Variants in UST observed in about 807,000 individuals in gnomAD.
UST encodes the protein uronyl 2-sulfotransferase, also known as chondroitin sulfate 2-O-sulfotransferase.
UST carries 21 observed loss-of-function variants against 45.6 expected under a neutral mutation model. The observed-to-expected ratio is 0.46, with a 90% CI of 0.33 to 0.66. UST has a LOEUF of 0.66. Ranked by LOEUF, UST falls within the 30% of genes least tolerant of loss-of-function variation. The pLI, the probability that UST is intolerant of heterozygous loss-of-function variation, is 0.02. For missense variants in UST, 463 were observed against 512.4 expected (o/e 0.90, Z 0.93); for synonymous variants, 215 against 200.6 (o/e 1.07, Z -0.61).
At chr6:148,824,810 C>G (rs538778702) in intron 1 of UST, among the ~76,000 whole-genome samples, 1 of 144,346 alleles carries the variant, frequency 6.9e-6, no homozygotes, top group Non-Finnish European at 1.5e-5. Context: ...GGTATATCTC[C>G]CAATGCTATC....
At chr6:148,867,752 C>CT (rs1778474622) in intron 1 of UST, among the ~76,000 whole-genome samples, 1 of 152,152 alleles carries the variant, frequency 6.6e-6, no homozygotes, top group Non-Finnish European at 1.5e-5. Flanking sequence ...TATTAAACCT[C>CT]TTTTTCTTTA....
At chr6:148,803,132 T>A (rs1447126840) in intron 1 of UST, among the ~76,000 whole-genome samples, 3 of 152,168 alleles carry the variant, frequency 2.0e-5, no homozygotes, top group African/African-American at 4.8e-5. Context: ...CTGTTGCAAT[T>A]GCTGACTTTT....
At chr6:149,048,109 A>G (rs1023067275) in intron 7 of UST, among the ~76,000 whole-genome samples, 1 of 148,544 alleles carries the variant, frequency 6.7e-6, no homozygotes, top group African/African-American at 2.5e-5. Context: ...AATAAATTCC[A>G]GATGGTCTAA....
chr6:148,803,903 C>T (rs1190087398), intron 1 of UST, among the ~76,000 whole-genome samples: 1 of 152,210 alleles, frequency 6.6e-6, no homozygotes, highest in Non-Finnish European at 1.5e-5. Context: ...CTTCAGATCT[C>T]AGGAGAGTCT....
At chr6:149,072,140 C>T (rs1207989779) in intron 7 of UST, among the ~76,000 whole-genome samples, 1 of 152,182 alleles carries the variant, frequency 6.6e-6, no homozygotes, top group Non-Finnish European at 1.5e-5. Flanking sequence ...AATAATTTGG[C>T]AGTTCTTCAA....
intron 4 of UST, among the ~76,000 whole-genome samples, chr6:148,956,338 T>C (rs928790085): frequency 6.6e-6 from 1 of 151,852 alleles, no homozygotes; most frequent in Non-Finnish European, 1.5e-5. Flanking sequence ...GGCCTCAGAA[T>C]CATGGCAGGA....
intron 1 of UST, among the ~76,000 whole-genome samples, chr6:148,853,733 T>A (rs561185855): frequency 6.6e-6 from 1 of 152,334 alleles, no homozygotes; most frequent in South Asian, 2.1e-4. Flanking sequence ...CTTTTTTTCA[T>A]ATGTTTGGTT....
At chr6:148,819,659 T>C (rs913154000) in intron 1 of UST, among the ~76,000 whole-genome samples, 2 of 152,232 alleles carry the variant, frequency 1.3e-5, no homozygotes, top group African/African-American at 2.4e-5. Context: ...AAAGTCAATA[T>C]GTTGTGGCTG....
At chr6:148,761,659 GCACCTGAGCAACCTGGGCCTGGC>G (rs1251129397) in intron 1 of UST, among the ~76,000 whole-genome samples, 2 of 152,256 alleles carry the variant, frequency 1.3e-5, no homozygotes, top group African/African-American at 4.8e-5. Flanking sequence ...AGGAGGGTGG[GCACCTGAGCAACCTGGGCCTGGC>G]CACACTCACC....
At chr6:149,042,955 TTTTCTTTCTTTC>T (rs1158496318) in intron 7 of UST, among the ~76,000 whole-genome samples, 1,445 of 109,088 alleles carry the variant, frequency 0.013, 13 homozygotes, top group East Asian at 0.032. Flanking sequence ...ATCACCATCC[TTTTCTTTCTTTC>T]TTTCTTTCTT....
intron 1 of UST, among the ~76,000 whole-genome samples, chr6:148,857,506 C>T (rs1778227054): frequency 6.6e-6 from 1 of 152,118 alleles, no homozygotes; most frequent in Non-Finnish European, 1.5e-5. Flanking sequence ...GAACTTAGAG[C>T]ACAGACTGTA....
intron 2 of UST, among the ~76,000 whole-genome samples, chr6:148,940,680 G>C (rs992578393): frequency 3.3e-5 from 5 of 152,110 alleles, no homozygotes; most frequent in African/African-American, 1.2e-4. Context: ...CTCCTGACCT[G>C]TTACTGTCTT....
intron 2 of UST, among the ~76,000 whole-genome samples, chr6:148,901,771 C>G (rs1274540602): frequency 6.6e-6 from 1 of 152,114 alleles, no homozygotes; most frequent in East Asian, 1.9e-4. Context: ...GTTGGCCAGG[C>G]TGGTCTCGAA....
chr6:148,784,399 C>T (rs1415908692), intron 1 of UST, among the ~76,000 whole-genome samples: 1 of 152,166 alleles, frequency 6.6e-6, no homozygotes, highest in African/African-American at 2.4e-5. Flanking sequence ...AACATTCTCT[C>T]GACATAAGTC....
intron 1 of UST, among the ~76,000 whole-genome samples, chr6:148,774,082 C>A (rs566282865): frequency 6.6e-6 from 1 of 152,206 alleles, no homozygotes; most frequent in African/African-American, 2.4e-5. Context: ...CTACAGCAAA[C>A]CCTTTTGCAG....
chr6:148,903,503 A>G (rs1779298765), intron 2 of UST, among the ~76,000 whole-genome samples: 1 of 152,250 alleles, frequency 6.6e-6, no homozygotes, highest in African/African-American at 2.4e-5. Context: ...TTATTCAAGA[A>G]AATATGTTTC....
intron 1 of UST, among the ~76,000 whole-genome samples, chr6:148,827,095 G>T (rs148055636): frequency 2.6e-5 from 4 of 152,168 alleles, no homozygotes; most frequent in African/African-American, 4.8e-5. Flanking sequence ...TGTTGATACC[G>T]CCTGAAATGC....
At chr6:149,016,674 C>T (rs1775902618) in intron 5 of UST, among the ~76,000 whole-genome samples, 1 of 152,228 alleles carries the variant, frequency 6.6e-6, no homozygotes, top group South Asian at 2.1e-4. Context: ...GTAGGAGGCT[C>T]TGGCGGTCTC....
At chr6:148,761,694 C>T (rs567153089) in intron 1 of UST, among the ~76,000 whole-genome samples, 1 of 152,370 alleles carries the variant, frequency 6.6e-6, no homozygotes, top group Non-Finnish European at 1.5e-5. Flanking sequence ...ACACTCACCC[C>T]TGCAGCCTTG....
Sources: allele counts gnomAD v4.1 joint callset (sites outside exome capture counted in the v4.1 genomes callset), GRCh38; gene constraint gnomAD v4.1.1; transcripts MANE v1.5; gene names NCBI Gene and HGNC (gene_info 2026-07-23, HGNC 2026-07-21).